ANO2: variants seen among roughly 807,000 people sequenced by gnomAD.
ANO2 encodes the protein anoctamin-2.
In ANO2, 101 loss-of-function variants were observed where a neutral mutation model predicts 124.2. The observed-to-expected ratio is 0.81, with a 90% CI of 0.69 to 0.96. ANO2 has a LOEUF of 0.96. Ranked by LOEUF, ANO2 falls within the 40% of genes least tolerant of loss-of-function variation. The pLI is 0.00. For synonymous variants in ANO2, 486 were observed against 482.5 expected (o/e 1.01, Z -0.09); for missense variants, 1,293 against 1,274.5 (o/e 1.01, Z -0.22).
chr12:5,736,174 G>C lies in ANO2; in HGVS notation c.1434+3143C>G, dbSNP rs1250011487. Among the ~76,000 whole-genome samples the C allele has an allele frequency of 2.0e-5, 3 of 152,320 alleles. No individual in the cohort carries two copies. In the East Asian group the frequency reaches 5.8e-4, roughly 29 times the overall value. On this transcript the variant is annotated intron_variant, in intron 13 of 24. Transcript: ENST00000682330. ...CACAGGCAGACCTGCACTGGCCCAG[G>C]GGGGTGGGCCGTTGGGCTTGGTTGC...
At chr12:5,630,151 G>C (rs1366029111) in intron 16 of ANO2, among the ~76,000 whole-genome samples, 2 of 152,148 alleles carry the variant, frequency 1.3e-5, no homozygotes, top group Non-Finnish European at 2.9e-5. Flanking sequence ...GGACTTACTG[G>C]GGTTATTGAC....
At chr12:5,644,854 T>C (rs1946549396) in intron 15 of ANO2, among the ~76,000 whole-genome samples, 2 of 152,230 alleles carry the variant, frequency 1.3e-5, no homozygotes, top group Non-Finnish European at 2.9e-5. Flanking sequence ...TTAGAAATTG[T>C]TTTGTTTTCA....
intron 14 of ANO2, among the ~76,000 whole-genome samples, chr12:5,722,490 G>A (rs912278010): frequency 2.5e-4 from 38 of 152,164 alleles, no homozygotes; most frequent in Non-Finnish European, 4.3e-4. Flanking sequence ...CTGGGCGACA[G>A]AACGAGACTC....
At chr12:5,652,348 A>G (rs1946953265) in intron 14 of ANO2, among the ~76,000 whole-genome samples, 1 of 152,154 alleles carries the variant, frequency 6.6e-6, no homozygotes, top group South Asian at 2.1e-4. Flanking sequence ...CCCCTATTAC[A>G]TTAGTTAAGT....
At chr12:5,676,826 G>T (rs1172483681) in intron 14 of ANO2, among the ~76,000 whole-genome samples, 3 of 152,148 alleles carry the variant, frequency 2.0e-5, no homozygotes, top group Non-Finnish European at 4.4e-5. Context: ...GGCCGAGCCA[G>T]GCAGATCACT....
chr12:5,731,293 T>C (rs1223253797), intron 14 of ANO2, among the ~76,000 whole-genome samples: 1 of 152,146 alleles, frequency 6.6e-6, no homozygotes, highest in Non-Finnish European at 1.5e-5. Flanking sequence ...GTCTTGGACT[T>C]GGTCTTCGTC....
At chr12:5,696,293 C>T (rs542970371) in intron 14 of ANO2, among the ~76,000 whole-genome samples, 1 of 152,212 alleles carries the variant, frequency 6.6e-6, no homozygotes, top group South Asian at 2.1e-4. Context: ...ACGCAAACAA[C>T]ATTTAAAATC....
chr12:5,777,618 A>AC (rs2137129176), intron 10 of ANO2, among the ~76,000 whole-genome samples: 2 of 151,880 alleles, frequency 1.3e-5, no homozygotes, highest in East Asian at 3.9e-4. Context: ...CCACCTCCCC[A>AC]CCCCCATCTT....
chr12:5,735,706 G>C (rs1950833248), intron 13 of ANO2, among the ~76,000 whole-genome samples: 1 of 152,178 alleles, frequency 6.6e-6, no homozygotes, highest in African/African-American at 2.4e-5. Flanking sequence ...GCAGAGTCTG[G>C]GGGAAAAGCA....
At chr12:5,827,637 G>C in intron 7 of ANO2, 132 bp downstream of exon 7, 1 of 1,115,956 alleles carries the variant, frequency 9.0e-7, no homozygotes, top group Non-Finnish European at 1.3e-6. Context: ...CTCAGCCCAA[G>C]CTAAGCAGCC....
chr12:5,775,459 TC>T lies in ANO2; in HGVS notation c.1055+24047del, dbSNP rs1449088983. On this transcript the variant is annotated intron_variant, in intron 10 of 24. Coordinates refer to ENST00000682330, the MANE Select transcript of ANO2 (RefSeq NM_001364791.2). ...GATGCATCCTCCTGAGCACCATCAA[TC>T]CTTTTTTTTTTTTTTTTTTGAGATG... Among the ~76,000 whole-genome samples, 8 of 144,882 alleles carry T rather than the reference TC, an allele frequency of 5.5e-5. No homozygotes were observed. In the East Asian group the frequency reaches 1.6e-3, roughly 29 times the overall value.
chr12:5,850,843 G>T (rs575954386), intron 4 of ANO2, among the ~76,000 whole-genome samples: 1 of 152,256 alleles, frequency 6.6e-6, no homozygotes, highest in Non-Finnish European at 1.5e-5. Flanking sequence ...TAAGAATTGA[G>T]AATACACATT....
At chr12:5,698,336 G>C (rs1057295022) in intron 14 of ANO2, among the ~76,000 whole-genome samples, 4 of 152,158 alleles carry the variant, frequency 2.6e-5, no homozygotes, top group Admixed American at 6.5e-5. Flanking sequence ...AGGCAAACAG[G>C]GTCTGGAGTG....
intron 3 of ANO2, among the ~76,000 whole-genome samples, chr12:5,885,094 T>C (rs1469381389): frequency 6.6e-6 from 1 of 152,218 alleles, no homozygotes; most frequent in Admixed American, 6.5e-5. Flanking sequence ...AAATTTCCTT[T>C]GGTGGAGTTG....
At chr12:5,751,013 T>C (rs2277402) in intron 10 of ANO2, 43 bp from the exon 11 acceptor site, 679,463 of 1,526,400 alleles carry the variant, frequency 0.45, 157,039 homozygotes, top group East Asian at 0.58. Context: ...ATTAAGAACA[T>C]CATATACTTT....
chr12:5,871,221 T>A (rs1246060630), intron 3 of ANO2, among the ~76,000 whole-genome samples: 1 of 151,510 alleles, frequency 6.6e-6, no homozygotes. Flanking sequence ...AAAAGTCATC[T>A]ACATAGGTTG....
At chr12:5,665,204 G>C (rs1947639717) in intron 14 of ANO2, among the ~76,000 whole-genome samples, 1 of 152,138 alleles carries the variant, frequency 6.6e-6, no homozygotes, top group Non-Finnish European at 1.5e-5. Flanking sequence ...GATGGATTTG[G>C]TCTCCAAGTT....
intron 3 of ANO2, among the ~76,000 whole-genome samples, chr12:5,906,214 T>C (rs984425740): frequency 3.3e-5 from 5 of 152,040 alleles, no homozygotes; most frequent in African/African-American, 1.2e-4. Context: ...GCCTTCCCTG[T>C]CAACTCAAGC....
chr12:5,694,403 G>A (rs1465271057), intron 14 of ANO2, among the ~76,000 whole-genome samples: 1 of 152,010 alleles, frequency 6.6e-6, no homozygotes, highest in African/African-American at 2.4e-5. Context: ...TTTGGGGAAG[G>A]ATGAGCAGTT....
Sources: allele counts gnomAD v4.1 joint callset (sites outside exome capture counted in the v4.1 genomes callset), GRCh38; gene constraint gnomAD v4.1.1; transcripts MANE v1.5; gene names NCBI Gene and HGNC (gene_info 2026-07-23, HGNC 2026-07-21).